The following DNAH5 variants were observed in gnomAD, a reference collection of about 807,000 sequenced individuals.
DNAH5 encodes the protein dynein axonemal heavy chain 5, also known as axonemal beta dynein heavy chain 5.
DNAH5 carries 372 observed loss-of-function variants against 518.2 expected under a neutral mutation model. The ratio of observed to expected loss-of-function variants is 0.72; its 90% CI spans 0.66 to 0.78. The LOEUF is 0.78. Ranked by LOEUF, DNAH5 falls within the 30% of genes least tolerant of loss-of-function variation. The probability of loss-of-function intolerance (pLI) is 0.00; values close to 1 mark genes in which losing one functional copy is unlikely to be tolerated. For synonymous variants in DNAH5, 2,039 were observed against 2,025.9 expected (o/e 1.01, Z -0.17); for missense variants, 5,523 against 5,687.0 (o/e 0.97, Z 0.93).
chr5:13,866,956 G>A (rs1769341375), intron 25 of DNAH5, among the ~76,000 whole-genome samples: 1 of 152,098 alleles, frequency 6.6e-6, no homozygotes, highest in Admixed American at 6.5e-5. Context: ...TGGACTCCGT[G>A]GGGGCAAGGC....
intron 70 of DNAH5, among the ~76,000 whole-genome samples, chr5:13,725,591 G>A (rs1182829580): frequency 4.6e-5 from 7 of 152,166 alleles, no homozygotes; most frequent in African/African-American, 1.7e-4. Flanking sequence ...CAATGCAACA[G>A]ATTCAGCCTT....
chr5:13,991,864 G>C (rs1484057044), intron 1 of DNAH5, among the ~76,000 whole-genome samples: 1 of 152,198 alleles, frequency 6.6e-6, no homozygotes, highest in East Asian at 1.9e-4. Context: ...ATCTGCGAAA[G>C]AGATAAATGT....
chr5:13,850,639 C>T lies in DNAH5; in HGVS notation c.5114+13G>A, dbSNP rs202060120. ...AAGGATACCGAGAGCTTTCAAAGAGCCAGTGAACTTACCCAGTAAGGGATT... is the reference window on the plus strand; with the variant it reads ...AAGGATACCGAGAGCTTTCAAAGAGTCAGTGAACTTACCCAGTAAGGGATT... On this transcript the variant is annotated intron_variant, in intron 31 of 78. Transcript: ENST00000265104. The T allele has an allele frequency of 1.2e-5, 19 of 1,612,526 alleles. No individual in the cohort carries two copies. The highest frequency in any genetic ancestry group is 1.4e-5 in the Non-Finnish European group (17 of 1,178,702).
At position 13,701,163 on chromosome 5, in the gene DNAH5, C is replaced by T. The variant is rs879177349; in HGVS notation, c.13491+121G>A. Reference sequence around the variant, plus strand: ...GGGATTTATGTACATGACAATGTAACTGCTAGTACCAAAAAGAGACAGTCA... The same window carrying T: ...GGGATTTATGTACATGACAATGTAATTGCTAGTACCAAAAAGAGACAGTCA... On this transcript the variant is annotated intron_variant, in intron 77 of 78. Coordinates refer to ENST00000265104, the MANE Select transcript of DNAH5 (RefSeq NM_001369.3). The T allele has an allele frequency of 2.1e-5, 28 of 1,341,266 alleles. No individual in the cohort carries two copies. The South Asian group carries it at 2.6e-4, about 13-fold the overall frequency. The allele number at this position is 1,341,266 out of a possible 1,614,324, so 83.1% of individuals were successfully genotyped here.
At chr5:13,711,283 T>C (rs1426920522) in intron 75 of DNAH5, among the ~76,000 whole-genome samples, 2 of 152,152 alleles carry the variant, frequency 1.3e-5, no homozygotes, top group African/African-American at 4.8e-5. Context: ...ATCATCCCAA[T>C]AGATGCAGAA....
intron 1 of DNAH5, among the ~76,000 whole-genome samples, chr5:13,941,220 C>T (rs781312244): frequency 1.2e-4 from 19 of 152,202 alleles, no homozygotes; most frequent in Non-Finnish European, 2.2e-4. Context: ...TAGCCAGATG[C>T]GGGGATGCAT....
At chr5:13,928,661 G>A (rs1778117281) in intron 2 of DNAH5, among the ~76,000 whole-genome samples, 1 of 152,176 alleles carries the variant, frequency 6.6e-6, no homozygotes, top group African/African-American at 2.4e-5. Context: ...ACTAAGCTGG[G>A]ACTAAGAGTC....
intron 11 of DNAH5, 82 bp downstream of exon 11, chr5:13,913,661 C>G (rs984265936): frequency 1.3e-6 from 2 of 1,491,292 alleles, no homozygotes; most frequent in Non-Finnish European, 1.8e-6. Context: ...TGATTTGAAT[C>G]ATTCTAAACA....
chr5:13,734,800 G>A (rs182618428), intron 68 of DNAH5, among the ~76,000 whole-genome samples: 2 of 151,922 alleles, frequency 1.3e-5, no homozygotes, highest in African/African-American at 2.4e-5. Flanking sequence ...CTCTCATCCT[G>A]CTCTGTTTTC....
At position 13,766,181 on chromosome 5, in the gene DNAH5, T is replaced by G. The variant is rs1275238808; in HGVS notation, c.9898-2A>C. ...GGCGATGTCCGAAGGCCTGATGGTCTGGGGGATGAAAGGAACGATCACCCA... is the reference window on the plus strand; with the variant it reads ...GGCGATGTCCGAAGGCCTGATGGTCGGGGGGATGAAAGGAACGATCACCCA... On this transcript the variant is annotated splice_acceptor_variant, in intron 58 of 78. Transcript: ENST00000265104. LOFTEE classifies it high-confidence loss of function. 6.2e-7 allele frequency: 1 copy of G among 1,614,160 alleles called. No homozygotes were observed. Among genetic ancestry groups the G allele is most frequent in the Admixed American group, 1.7e-5 (1 of 60,020 alleles).
intron 30 of DNAH5, among the ~76,000 whole-genome samples, 176 bp downstream of exon 30, chr5:13,859,276 T>C (rs945429571): frequency 2.6e-5 from 4 of 152,168 alleles, no homozygotes; most frequent in African/African-American, 4.8e-5. Flanking sequence ...TGTCACCCCT[T>C]TCCTTTCCAC....
chr5:13,792,104 T>C lies in DNAH5; in HGVS notation c.8338A>G (p.Lys2780Glu). Residue 2780 changes from lysine (K) to glutamate (E), a missense_variant, in exon 50 of 79, where the codon AAA (lysine) becomes GAA (glutamate). Physicochemically the swap from Lys to Glu is moderately conservative, Grantham distance 56 (BLOSUM62 1). This residue lies in a region of DNAH5 where 5,121 missense variants were observed against 5,223.3 expected (regional missense o/e 0.98). Coordinates refer to ENST00000265104, the MANE Select transcript of DNAH5 (RefSeq NM_001369.3). ...TRRLWQMTKI[K>E]MLPTPAKFHY... is the part of the protein sequence containing the mutation. The stretch of plus-strand genomic sequence containing the variant: ...AATTTTGCAGGGGTAGGAAGCATTT[T>C]AATCTTGGTCATCTGCCATAGTCGG... 1.2e-6 allele frequency: 2 copies of C among 1,614,110 alleles called. No homozygotes were observed. Among genetic ancestry groups the C allele is most frequent in the Non-Finnish European group, 1.7e-6 (2 of 1,179,992 alleles).
chr5:13,861,197 C>A (rs1007909874), intron 29 of DNAH5, among the ~76,000 whole-genome samples: 1 of 152,202 alleles, frequency 6.6e-6, no homozygotes, highest in African/African-American at 2.4e-5. Flanking sequence ...TCTTTTCTAT[C>A]TCCCTAGGGT....
At chr5:13,726,544 C>G (rs1502047) in intron 70 of DNAH5, among the ~76,000 whole-genome samples, 90,986 of 152,098 alleles carry the variant, frequency 0.6, 27,323 homozygotes, top group African/African-American at 0.61. Context: ...TCTTTCCACA[C>G]TGTCCTTAAA....
chr5:13,995,606 T>A (rs896135054), intron 1 of DNAH5, among the ~76,000 whole-genome samples: 10 of 152,184 alleles, frequency 6.6e-5, no homozygotes. Context: ...CAACTTTTTT[T>A]AAACTGACAA....
intron 4 of DNAH5, among the ~76,000 whole-genome samples, chr5:13,923,021 A>G (rs1267087466): frequency 6.6e-6 from 1 of 152,216 alleles, no homozygotes; most frequent in African/African-American, 2.4e-5. Context: ...CATTAGAAAA[A>G]GAAAGCCCTC....
At chr5:13,768,507 G>T (rs1752836539) in intron 58 of DNAH5, among the ~76,000 whole-genome samples, 1 of 152,208 alleles carries the variant, frequency 6.6e-6, no homozygotes, top group South Asian at 2.1e-4. Flanking sequence ...TGCGTTGGAA[G>T]CCTGCTCAAA....
Position 13,752,346 on chromosome 5 carries a change from G to C in DNAH5, c.10873-57C>G, listed in dbSNP as rs1750360310. ...AGACATTACCATGAAGCAATGCACA[G>C]GGATAACTGTTTTCAAATGAAGCCT... On this transcript the variant is annotated intron_variant, in intron 63 of 78. Coordinates refer to ENST00000265104, the MANE Select transcript of DNAH5 (RefSeq NM_001369.3). The C allele has an allele frequency of 1.9e-6, 3 of 1,574,452 alleles. No homozygotes were observed. The African/African-American group carries it at 4.1e-5, about 21-fold the overall frequency.
At chr5:13,792,296 G>A (rs1757125921) in intron 49 of DNAH5, 79 bp from the exon 50 acceptor site, 1 of 1,253,566 alleles carries the variant, frequency 8.0e-7, no homozygotes, top group South Asian at 1.3e-5. Flanking sequence ...ATAGCATAGG[G>A]TTTGCAAAAA....
Sources: gnomAD v4.1 joint callset for allele counts (sites outside exome capture counted in the v4.1 genomes callset) on GRCh38, gnomAD v4.1.1 for gene constraint, gnomAD v4.1.1 regional missense constraint, MANE v1.5 for transcripts, NCBI Gene and HGNC (gene_info 2026-07-23, HGNC 2026-07-21) for gene names.